EFCAB6: variants seen among roughly 807,000 people sequenced by gnomAD.
EFCAB6 encodes EF-hand calcium binding domain 6, also known as EF-hand calcium-binding domain-containing protein 6.
Under a neutral mutation model 169.8 loss-of-function variants are expected in EFCAB6, and 156 were observed. The ratio of observed to expected loss-of-function variants is 0.92; its 90% CI spans 0.81 to 1.05. EFCAB6 has a LOEUF of 1.05. Ranked by LOEUF, EFCAB6 falls within the 50% of genes least tolerant of loss-of-function variation. The pLI is 0.00. For missense variants in EFCAB6, 1,800 were observed against 1,829.1 expected, an observed-to-expected ratio of 0.98 and a Z score of 0.29; for synonymous variants, 698 against 676.4, an observed-to-expected ratio of 1.03 and a Z score of -0.50.
At chr22:43,609,965 G>T (rs2147643565) in intron 21 of EFCAB6, among the ~76,000 whole-genome samples, 1 of 152,292 alleles carries the variant, frequency 6.6e-6, no homozygotes, top group South Asian at 2.1e-4. Flanking sequence ...AATGACCAGT[G>T]CTGGGACAGC....
intron 15 of EFCAB6, among the ~76,000 whole-genome samples, chr22:43,670,877 A>AGCAGCG: frequency 6.6e-6 from 1 of 152,378 alleles, no homozygotes; most frequent in South Asian, 2.1e-4. Context: ...CAGCAGCAGC[A>AGCAGCG]GCAGCAGCGG....
intron 26 of EFCAB6, among the ~76,000 whole-genome samples, chr22:43,570,925 C>T (rs76771664): frequency 0.039 from 5,870 of 152,258 alleles, 396 homozygotes; most frequent in African/African-American, 0.13. Flanking sequence ...AGCCCTGGGG[C>T]GGGCTGGTCT....
At chr22:43,602,626 G>A (rs771847159) in intron 22 of EFCAB6, among the ~76,000 whole-genome samples, 28 of 152,038 alleles carry the variant, frequency 1.8e-4, no homozygotes, top group Non-Finnish European at 3.1e-4. Flanking sequence ...TGGTCAAGAC[G>A]CCCTCTGAAT....
chr22:43,546,460 A>T (rs2086557693), intron 27 of EFCAB6, among the ~76,000 whole-genome samples: 1 of 152,228 alleles, frequency 6.6e-6, no homozygotes, highest in Non-Finnish European at 1.5e-5. Flanking sequence ...CCTTAAAAGC[A>T]GTATCAGTGG....
chr22:43,650,652 TAAG>T (rs1309080935), intron 17 of EFCAB6, among the ~76,000 whole-genome samples: 3 of 151,906 alleles, frequency 2.0e-5, no homozygotes, highest in African/African-American at 7.2e-5. Context: ...GGAGGGCTCA[TAAG>T]AAGATAGGAA....
chr22:43,571,641 C>G (rs972071918), intron 26 of EFCAB6, among the ~76,000 whole-genome samples: 1 of 152,142 alleles, frequency 6.6e-6, no homozygotes, highest in African/African-American at 2.4e-5. Context: ...GAGTCCTCAG[C>G]GATTCTTCTT....
chr22:43,668,272 T>C (rs1051930510), intron 16 of EFCAB6, among the ~76,000 whole-genome samples: 14 of 152,372 alleles, frequency 9.2e-5, no homozygotes, highest in African/African-American at 3.4e-4. Flanking sequence ...TATGAATTTA[T>C]TATAAGCAAT....
chr22:43,667,120 A>C lies in EFCAB6; in HGVS notation c.1967T>G (p.Val656Gly), dbSNP rs772943659. 4.3e-6 allele frequency: 7 copies of C among 1,613,996 alleles called. No homozygotes were observed. In the South Asian group the frequency reaches 7.7e-5, roughly 18 times the overall value. The change falls in exon 17 of 32, where the codon GTG becomes GGG. Residue 656 changes from valine to glycine, a missense_variant. By Grantham distance (109) the Val-to-Gly change is moderately radical. Transcript: ENST00000262726. ...TTCTCCTACCTTCTTAAAGTCATGC[A>C]CGTTAATTTTTCCATTAGGCTCCTT... ...FSKEPNGKIN[V>G]HDFKKVLEDT...
chr22:43,730,788 C>T (rs2059921623), intron 8 of EFCAB6, among the ~76,000 whole-genome samples: 1 of 152,180 alleles, frequency 6.6e-6, no homozygotes, highest in African/African-American at 2.4e-5. Flanking sequence ...ACGCTTTGCA[C>T]AGCTCCTGGC....
At chr22:43,662,937 G>C (rs953512282) in intron 17 of EFCAB6, among the ~76,000 whole-genome samples, 1 of 152,216 alleles carries the variant, frequency 6.6e-6, no homozygotes, top group East Asian at 1.9e-4. Flanking sequence ...ATGAATTCAA[G>C]TCCAAGTTCT....
chr22:43,539,657 G>A (rs1005145886), intron 28 of EFCAB6, among the ~76,000 whole-genome samples: 1 of 152,186 alleles, frequency 6.6e-6, no homozygotes, highest in Admixed American at 6.5e-5. Flanking sequence ...AATTTGACAG[G>A]CCTGGGCTTA....
rs983728501 is a variant in EFCAB6, at chr22:43,628,939, G to A, written c.2233-2260C>T. 3.3e-5 allele frequency among the ~76,000 whole-genome samples: 5 copies of A among 152,154 alleles called. No individual in the cohort carries two copies. The highest frequency in any genetic ancestry group is 2.1e-4 in the South Asian group (1 of 4,830). ...CTCTCCGAGCCATGCTCACCATAAC[G>A]TCTGTGAGATGGGGCTGCTGGACAT... On this transcript the variant is annotated intron_variant, in intron 19 of 31. Transcript: ENST00000262726. This position sits in a 1 kb window ranked among gnomAD's most constrained non-coding sequence, Gnocchi z 4.8.
chr22:43,641,175 G>A (rs769480403), intron 17 of EFCAB6, among the ~76,000 whole-genome samples: 44 of 152,228 alleles, frequency 2.9e-4, no homozygotes, highest in Non-Finnish European at 5.7e-4. Context: ...AGCATGGGAT[G>A]TCAACATACG....
intron 8 of EFCAB6, among the ~76,000 whole-genome samples, chr22:43,725,289 G>A (rs542141032): frequency 6.6e-6 from 1 of 152,188 alleles, no homozygotes; most frequent in African/African-American, 2.4e-5. Context: ...TTACAGGCAT[G>A]CGCCACCACG....
chr22:43,537,472 C>T lies in EFCAB6; in HGVS notation c.3953G>A (p.Arg1318Gln), dbSNP rs141002827. Reference sequence around the variant, plus strand: ...GCGCCAGCAGCCCTGGATTCTCTTCCGGAGCCTGCTCTCTATGGGATCACA... The same window carrying T: ...GCGCCAGCAGCCCTGGATTCTCTTCTGGAGCCTGCTCTCTATGGGATCACA... ...QNCDPIESRL[R>Q]KRIQGCWRQL... Residue 1318 changes from arginine (R) to glutamine (Q), a missense_variant, in exon 29 of 32, where the codon CGG (arginine) becomes CAG (glutamine). By Grantham distance (43) the Arg-to-Gln change is conservative. Transcript: ENST00000262726. The surrounding 1 kb of genome is among the most constrained non-coding windows in gnomAD (Gnocchi z 4.3). 160 of 1,614,084 alleles carry T rather than the reference C, an allele frequency of 9.9e-5. 2 individuals are homozygous for T. The highest frequency in any genetic ancestry group is 3.6e-4 in the South Asian group (33 of 91,062).
intron 19 of EFCAB6, 101 bp from the exon 20 acceptor site, chr22:43,626,780 G>A: frequency 9.1e-7 from 1 of 1,093,210 alleles, no homozygotes; most frequent in South Asian, 1.4e-5. Flanking sequence ...GCGAGGAGGG[G>A]CAGCTTGGCT....
At chr22:43,762,570 T>C (rs779520332) in intron 5 of EFCAB6, among the ~76,000 whole-genome samples, 1 of 152,228 alleles carries the variant, frequency 6.6e-6, no homozygotes, top group Non-Finnish European at 1.5e-5. Flanking sequence ...TCATGGTATA[T>C]AGCCTACCGT....
At chr22:43,617,086 C>A (rs2053744288) in intron 20 of EFCAB6, among the ~76,000 whole-genome samples, 1 of 152,206 alleles carries the variant, frequency 6.6e-6, no homozygotes, top group Non-Finnish European at 1.5e-5. Flanking sequence ...CTCCAACTGC[C>A]TACCGGACTC....
In EFCAB6 at chr22:43,744,111, AATGG is replaced by A. The variant is rs745434514; in HGVS notation, c.508-8122_508-8119del. Reference sequence around the variant, plus strand: ...TGATGAATGAATGAATGAATGAATGAATGGATGGGTTATGGATGGATGGATGGGT... The same window carrying A: ...TGATGAATGAATGAATGAATGAATGAATGGGTTATGGATGGATGGATGGGT... On this transcript the variant is annotated intron_variant, in intron 6 of 31. Transcript: ENST00000262726. This position sits in a 1 kb window ranked among gnomAD's most constrained non-coding sequence, Gnocchi z 4.3. Among the ~76,000 whole-genome samples the A allele has an allele frequency of 6.7e-6, 1 of 149,530 alleles. No individual in the cohort carries two copies. The highest frequency in any genetic ancestry group is 2.4e-5 in the African/African-American group (1 of 40,940).
Sources: allele counts gnomAD v4.1 joint callset (sites outside exome capture counted in the v4.1 genomes callset), GRCh38; gene constraint gnomAD v4.1.1; non-coding constraint Gnocchi (gnomAD v3.1); transcripts MANE v1.5; gene names NCBI Gene and HGNC (gene_info 2026-07-23, HGNC 2026-07-21).